Variants in RIMBP2 observed in about 807,000 individuals in gnomAD.
RIMBP2 encodes RIMS binding protein 2.
Under a neutral mutation model 118.6 loss-of-function variants are expected in RIMBP2, and 48 were observed. That is an observed-to-expected ratio of 0.40 (90% CI 0.32 to 0.51). The LOEUF (loss-of-function observed/expected upper bound fraction) is 0.51, where lower values mean the gene tolerates loss of function less well. RIMBP2 is among the 20% of genes least tolerant of loss of function. The pLI is 0.41. For synonymous variants in RIMBP2, 762 were observed against 742.9 expected (o/e 1.03, Z -0.42); for missense variants, 1,551 against 1,768.3 (o/e 0.88, Z 2.20).
chr12:130,508,120 A>G (rs1156973962), intron 3 of RIMBP2, among the ~76,000 whole-genome samples: 1 of 152,094 alleles, frequency 6.6e-6, no homozygotes, highest in Non-Finnish European at 1.5e-5. Flanking sequence ...TTTGAATTAA[A>G]CCACCCTCAC....
At chr12:130,435,929 G>A (rs916982131) in intron 13 of RIMBP2, among the ~76,000 whole-genome samples, 8 of 152,224 alleles carry the variant, frequency 5.3e-5, no homozygotes, top group African/African-American at 1.4e-4. Context: ...GCCCCGCCTC[G>A]GTTTCCCTGG....
At chr12:130,400,759 AAAG>A (rs2074460001) in intron 21 of RIMBP2, among the ~76,000 whole-genome samples, 1 of 152,226 alleles carries the variant, frequency 6.6e-6, no homozygotes, top group Non-Finnish European at 1.5e-5. Flanking sequence ...CAGAACATAT[AAAG>A]AACATCAAAA....
chr12:130,694,392 C>A (rs1352050832), intron 1 of RIMBP2, among the ~76,000 whole-genome samples: 3 of 152,226 alleles, frequency 2.0e-5, no homozygotes, highest in Admixed American at 6.5e-5. Context: ...GGATATTCAA[C>A]CATGTCATTC....
At position 130,646,382 on chromosome 12, in the gene RIMBP2, A is replaced by T. The variant is rs796350782; in HGVS notation, c.-351-17926T>A. Reference sequence around the variant, plus strand: ...CACCACCTCCCTCACCACCTCCCTCACCACCTCCCTCACCACCTGCCTCTC... The same window carrying T: ...CACCACCTCCCTCACCACCTCCCTCTCCACCTCCCTCACCACCTGCCTCTC... On this transcript the variant is annotated intron_variant, in intron 1 of 22. Coordinates refer to ENST00000690449, the MANE Select transcript of RIMBP2 (RefSeq NM_001393629.1). Among the ~76,000 whole-genome samples, 85 of 45,512 alleles carry T rather than the reference A, an allele frequency of 1.9e-3. 4 individuals are homozygous for T. Among genetic ancestry groups the T allele is most frequent in the African/African-American group, 5.2e-3 (39 of 7,534 alleles). 29.9% of individuals were successfully genotyped at this position (45,512 alleles called of 152,430 possible).
At chr12:130,591,375 G>A (rs2059250162) in intron 2 of RIMBP2, among the ~76,000 whole-genome samples, 1 of 152,252 alleles carries the variant, frequency 6.6e-6, no homozygotes, top group African/African-American at 2.4e-5. Flanking sequence ...TGGATGGGGA[G>A]CACGGCTCCT....
At chr12:130,406,284 C>A in intron 20 of RIMBP2, 41 bp from the exon 21 acceptor site, 1 of 1,345,226 alleles carries the variant, frequency 7.4e-7, no homozygotes, top group Non-Finnish European at 1.1e-6. Flanking sequence ...TTTTTCTACA[C>A]AACAGTAGTA....
chr12:130,439,106 G>A (rs1056772869), intron 11 of RIMBP2, among the ~76,000 whole-genome samples: 3 of 151,936 alleles, frequency 2.0e-5, no homozygotes, highest in Non-Finnish European at 2.9e-5. Flanking sequence ...TGATGACATC[G>A]TTGAACCTGA....
At position 130,494,924 on chromosome 12, in the gene RIMBP2, C is replaced by G. The variant is rs545209262; in HGVS notation, c.-4+11724G>C. 2.0e-5 allele frequency among the ~76,000 whole-genome samples: 3 copies of G among 152,340 alleles called. No homozygotes were observed. In the South Asian group the frequency reaches 6.2e-4, roughly 32 times the overall value. On this transcript the variant is annotated intron_variant, in intron 4 of 22. Transcript: ENST00000690449. ...CCAGGTGTCGGCAGGGCCGGATCCTCTCGTGGAACCTCTGAGGGAGAAGCC... is the reference window on the plus strand; with the variant it reads ...CCAGGTGTCGGCAGGGCCGGATCCTGTCGTGGAACCTCTGAGGGAGAAGCC...
In RIMBP2 at chr12:130,620,699, C is replaced by G. The variant is rs890444820; in HGVS notation, c.-217+7623G>C. 3.3e-5 allele frequency among the ~76,000 whole-genome samples: 5 copies of G among 152,200 alleles called. No individual in the cohort carries two copies. The highest frequency in any genetic ancestry group is 6.5e-5 in the Admixed American group (1 of 15,286). On this transcript the variant is annotated intron_variant, in intron 2 of 22. Transcript: ENST00000690449. This position sits in a 1 kb window ranked among gnomAD's most constrained non-coding sequence, Gnocchi z 5.3. ...CAATCCCTGCCAATGTTCTCTGCAT[C>G]CAATCCCCCTCTCTGTAAGGACACC...
chr12:130,560,932 T>C (rs1213941130), intron 2 of RIMBP2, among the ~76,000 whole-genome samples: 1 of 152,238 alleles, frequency 6.6e-6, no homozygotes, highest in African/African-American at 2.4e-5. Context: ...TCATTGCAGA[T>C]GTAGTAAGTC....
At chr12:130,514,374 A>G (rs1348536157) in intron 3 of RIMBP2, among the ~76,000 whole-genome samples, 1 of 152,240 alleles carries the variant, frequency 6.6e-6, no homozygotes, top group East Asian at 1.9e-4. Flanking sequence ...CTGCGGGAGC[A>G]GGGATGTCAA....
rs964151362 is a variant in RIMBP2, at chr12:130,406,113, C to T, written c.3765+59G>A. 1.7e-5 allele frequency: 20 copies of T among 1,147,878 alleles called. No homozygotes were observed. In the African/African-American group the frequency reaches 2.0e-4, roughly 11 times the overall value. The allele number at this position is 1,147,878 out of a possible 1,614,324, so 71.1% of individuals were successfully genotyped here. A position where few individuals can be genotyped will look rare whatever the true frequency, so the allele number is the denominator to read the frequency against. ...AGGAACGGACTAGCAAAACAAAACACACAAAATAAATGAAAATACAAAAAT... is the reference window on the plus strand; with the variant it reads ...AGGAACGGACTAGCAAAACAAAACATACAAAATAAATGAAAATACAAAAAT... On this transcript the variant is annotated intron_variant, in intron 21 of 22. Coordinates refer to ENST00000690449, the MANE Select transcript of RIMBP2 (RefSeq NM_001393629.1).
Position 130,623,320 on chromosome 12 carries a change from G to A in RIMBP2, c.-217+5002C>T, listed in dbSNP as rs1042460148. On this transcript the variant is annotated intron_variant, in intron 2 of 22. Coordinates refer to ENST00000690449, the MANE Select transcript of RIMBP2 (RefSeq NM_001393629.1). The surrounding 1 kb of genome is among the most constrained non-coding windows in gnomAD (Gnocchi z 4.1). ...AGGTTTGTTACACAGGTATACATGTGCCACAGTGGTTTGCTGCACCCATCA... is the reference window on the plus strand; with the variant it reads ...AGGTTTGTTACACAGGTATACATGTACCACAGTGGTTTGCTGCACCCATCA... Among the ~76,000 whole-genome samples the A allele has an allele frequency of 2.6e-5, 4 of 152,096 alleles. No homozygotes were observed. The highest frequency in any genetic ancestry group is 9.7e-5 in the African/African-American group (4 of 41,408).
rs1323178177 is a variant in RIMBP2 at position 130,420,672 on chromosome 12, G to A, written c.3238+1781C>T. Among the ~76,000 whole-genome samples, 1 of 152,124 alleles carries A rather than the reference G, an allele frequency of 6.6e-6. No homozygotes were observed. Among genetic ancestry groups the A allele is most frequent in the Non-Finnish European group, 1.5e-5 (1 of 68,028 alleles). Reference sequence around the variant, plus strand: ...TAGGAAAATAGCAAACCAAAGCGGAGACAAAAAATAATTATTTAAGCCAAT... The same window carrying A: ...TAGGAAAATAGCAAACCAAAGCGGAAACAAAAAATAATTATTTAAGCCAAT... On this transcript the variant is annotated intron_variant, in intron 17 of 22. Transcript: ENST00000690449. The surrounding 1 kb of genome is among the most constrained non-coding windows in gnomAD (Gnocchi z 4.3).
intron 1 of RIMBP2, among the ~76,000 whole-genome samples, chr12:130,711,353 C>T (rs563351862): frequency 9.0e-4 from 137 of 152,338 alleles, no homozygotes; most frequent in Non-Finnish European, 1.3e-3. Context: ...GTCTATTACC[C>T]TTTTCACGTT....
In RIMBP2 at chr12:130,456,706, C is replaced by G. The variant is rs758658748; in HGVS notation, c.154-6G>C. 6.3e-7 allele frequency: 1 copy of G among 1,593,916 alleles called. No homozygotes were observed. The highest frequency in any genetic ancestry group is 1.7e-5 in the Admixed American group (1 of 59,414). On this transcript the variant is annotated splice_polypyrimidine_tract_variant and splice_region_variant and intron_variant, in intron 6 of 22. Coordinates refer to ENST00000690449, the MANE Select transcript of RIMBP2 (RefSeq NM_001393629.1). ...TCCAGCTCTCGAACCTTGGACTGCA[C>G]GGCAGAAGCAGGACAGGGGGTCAGC...
At chr12:130,559,961 T>C (rs73456703) in intron 2 of RIMBP2, among the ~76,000 whole-genome samples, 6,556 of 152,326 alleles carry the variant, frequency 0.043, 471 homozygotes, top group African/African-American at 0.15. Flanking sequence ...TTTGCTCTTA[T>C]AACTCACTCT....
At chr12:130,658,933 A>G (rs933993823) in intron 1 of RIMBP2, 1 of 151,722 alleles carries the variant, frequency 6.6e-6, no homozygotes. Flanking sequence ...CACCTCACTC[A>G]ATCTCCCTTC....
chr12:130,448,815 A>C (rs925910407), intron 9 of RIMBP2, among the ~76,000 whole-genome samples: 66 of 152,250 alleles, frequency 4.3e-4, no homozygotes, highest in African/African-American at 1.4e-3. Context: ...CATCTACCCC[A>C]GTGCTTCTGC....
Sources: gnomAD v4.1 joint callset for allele counts (sites outside exome capture counted in the v4.1 genomes callset) on GRCh38, gnomAD v4.1.1 for gene constraint, Gnocchi (gnomAD v3.1) non-coding constraint, MANE v1.5 for transcripts, NCBI Gene and HGNC (gene_info 2026-07-23, HGNC 2026-07-21) for gene names.